Variants in HSD17B12 observed in about 807,000 individuals in gnomAD.
HSD17B12 encodes very-long-chain 3-oxoacyl-CoA reductase.
Under a neutral mutation model 39.3 loss-of-function variants are expected in HSD17B12, and 32 were observed. The ratio of observed to expected loss-of-function variants is 0.81; its 90% confidence interval spans 0.61 to 1.09. The LOEUF (loss-of-function observed/expected upper bound fraction) is 1.09. Among genes scored for constraint, HSD17B12 ranks in the 50% least tolerant of loss-of-function variants. The pLI, the probability that HSD17B12 is intolerant of heterozygous loss-of-function variation, is 0.00. For missense variants in HSD17B12, 342 were observed against 382.9 expected, an observed-to-expected ratio of 0.89 and a Z score of 0.89; for synonymous variants, 150 against 146.7, an observed-to-expected ratio of 1.02 and a Z score of -0.16.
intron 8 of HSD17B12, 114 bp from the exon 9 acceptor site, chr11:43,839,885 A>C (rs1401652030): frequency 1.1e-6 from 1 of 887,146 alleles, no homozygotes; most frequent in Non-Finnish European, 1.8e-6. Flanking sequence ...AATGAAAAAA[A>C]TGATGAGAAA....
At chr11:43,670,529 T>C in the HSD17B12 span, 1 of 152,220 alleles carries the variant, frequency 6.6e-6, no homozygotes, top group East Asian at 1.9e-4. Flanking sequence ...AGTTTTTCAT[T>C]ATATTATGCT....
At position 43,843,200 on chromosome 11, in the gene HSD17B12, T is replaced by C. The variant is rs550060273; in HGVS notation, c.684+3136T>C. Among the ~76,000 whole-genome samples the C allele has an allele frequency of 2.6e-5, 4 of 152,292 alleles. No homozygotes were observed. In the South Asian group the frequency reaches 8.3e-4, roughly 32 times the overall value. ...GAGGGAAAGCACAGTCGTCATTCTG[T>C]GTGAATACATCAGAATGTTGAAGTA... On this transcript the variant is annotated intron_variant, in intron 9 of 10. Transcript: ENST00000278353.
At chr11:43,682,544 CAAAA>C (rs55938101) in intron 1 of HSD17B12, among the ~76,000 whole-genome samples, 60 of 118,450 alleles carry the variant, frequency 5.1e-4, no homozygotes, top group South Asian at 1.4e-3. Context: ...AGACTCATCT[CAAAA>C]AAAAAAAAAA....
chr11:43,686,641 C>G (rs1001564027), intron 1 of HSD17B12, among the ~76,000 whole-genome samples: 2 of 140,860 alleles, frequency 1.4e-5, no homozygotes, highest in Non-Finnish European at 3.0e-5. Flanking sequence ...GCAACACTAA[C>G]TTTCCTATTT....
At chr11:43,579,239 C>T in the HSD17B12 span, 2 of 152,256 alleles carry the variant, frequency 1.3e-5, no homozygotes, top group Admixed American at 1.3e-4. Flanking sequence ...CGCAGTGGCG[C>T]GCCTGCTCGC....
At chr11:43,759,087 A>G (rs115316334) in intron 3 of HSD17B12, among the ~76,000 whole-genome samples, 4,155 of 152,222 alleles carry the variant, frequency 0.027, 196 homozygotes, top group African/African-American at 0.093. Flanking sequence ...ACTCACTCCA[A>G]TGGGTTGAAC....
At chr11:43,687,275 T>A (rs1345807431) in intron 1 of HSD17B12, among the ~76,000 whole-genome samples, 2 of 152,226 alleles carry the variant, frequency 1.3e-5, no homozygotes, top group Non-Finnish European at 2.9e-5. Context: ...AGCAAAGCCC[T>A]CACTGGGCTT....
the HSD17B12 span, among the ~76,000 whole-genome samples, chr11:43,651,298 C>T: frequency 1.3e-5 from 2 of 152,150 alleles, no homozygotes; most frequent in Admixed American, 1.3e-4. Context: ...ACATATTCAT[C>T]ATACTTTCTG....
At chr11:43,703,420 TC>T (rs1398205769) in intron 1 of HSD17B12, among the ~76,000 whole-genome samples, 1 of 152,070 alleles carries the variant, frequency 6.6e-6, no homozygotes, top group African/African-American at 2.4e-5. Context: ...GGTCTCGATC[TC>T]CCGACCTCGT....
chr11:43,563,633 G>C, the HSD17B12 span, among the ~76,000 whole-genome samples: 1 of 152,166 alleles, frequency 6.6e-6, no homozygotes, highest in African/African-American at 2.4e-5. Context: ...TGAGCAACAA[G>C]GCAAGAACTC....
chr11:43,742,408 T>C (rs1950376389), intron 1 of HSD17B12, among the ~76,000 whole-genome samples: 1 of 152,040 alleles, frequency 6.6e-6, no homozygotes, highest in African/African-American at 2.4e-5. Flanking sequence ...TCCCAAAGTA[T>C]TGGGATGAGC....
intron 4 of HSD17B12, among the ~76,000 whole-genome samples, chr11:43,813,647 A>G (rs1951093550): frequency 1.3e-5 from 2 of 152,220 alleles, no homozygotes; most frequent in South Asian, 4.1e-4. Context: ...AGCAAAGTCA[A>G]GTGAACATAA....
intron 3 of HSD17B12, among the ~76,000 whole-genome samples, chr11:43,756,632 G>C (rs1337314007): frequency 6.6e-6 from 1 of 152,194 alleles, no homozygotes; most frequent in Non-Finnish European, 1.5e-5. Flanking sequence ...TAGGCAGAAA[G>C]TAGATGCTTT....
At chr11:43,766,562 T>C (rs1950597533) in intron 3 of HSD17B12, among the ~76,000 whole-genome samples, 1 of 152,230 alleles carries the variant, frequency 6.6e-6, no homozygotes, top group Admixed American at 6.5e-5. Context: ...CATCATAGAT[T>C]TCCTGGTAAA....
chr11:43,590,505 G>GCTTTTTTT, the HSD17B12 span, among the ~76,000 whole-genome samples: 1 of 47,854 alleles, frequency 2.1e-5, no homozygotes, highest in Non-Finnish European at 4.5e-5. Flanking sequence ...TGGAGTGAGT[G>GCTTTTTTT]ATTTTTTTTT....
intron 1 of HSD17B12, among the ~76,000 whole-genome samples, chr11:43,728,957 C>T (rs1424046506): frequency 6.6e-6 from 1 of 151,968 alleles, no homozygotes; most frequent in Non-Finnish European, 1.5e-5. Context: ...TTAGTATGCA[C>T]CATAATTATA....
At chr11:43,714,344 C>T (rs1396427523) in intron 1 of HSD17B12, among the ~76,000 whole-genome samples, 1 of 152,324 alleles carries the variant, frequency 6.6e-6, no homozygotes, top group Non-Finnish European at 1.5e-5. Context: ...CTCCATATGG[C>T]TAGCCAGTTT....
chr11:43,641,555 T>A, the HSD17B12 span, among the ~76,000 whole-genome samples: 1 of 151,966 alleles, frequency 6.6e-6, no homozygotes, highest in Non-Finnish European at 1.5e-5. Context: ...AACTTTGGTA[T>A]ATACTCACAT....
intron 1 of HSD17B12, chr11:43,719,140 C>A: frequency 2.6e-6 from 2 of 758,244 alleles, no homozygotes; most frequent in Admixed American, 1.7e-5. Flanking sequence ...AAATTGGGAT[C>A]ATCTAAACTT....
Sources: allele counts gnomAD v4.1 joint callset (sites outside exome capture counted in the v4.1 genomes callset), GRCh38; gene constraint gnomAD v4.1.1; transcripts MANE v1.5; gene names NCBI Gene and HGNC (gene_info 2026-07-23, HGNC 2026-07-21).